Variants in POLR1B observed in about 807,000 individuals in gnomAD.
POLR1B encodes RNA polymerase I subunit B.
POLR1B carries 30 observed loss-of-function variants against 105.8 expected under a neutral mutation model. The ratio of observed to expected loss-of-function variants is 0.28; its 90% CI spans 0.21 to 0.38. The LOEUF (loss-of-function observed/expected upper bound fraction) is 0.38, where lower values mean the gene tolerates loss of function less well. Ranked by LOEUF, POLR1B falls within the 10% of genes least tolerant of loss-of-function variation. The probability of loss-of-function intolerance (pLI) is 1.00; values close to 1 mark genes in which losing one functional copy is unlikely to be tolerated. For synonymous variants in POLR1B, 485 were observed against 505.1 expected, an observed-to-expected ratio of 0.96 and a Z score of 0.53; for missense variants, 976 against 1,435.8, an observed-to-expected ratio of 0.68 and a Z score of 5.17.
chr2:112,544,346 C>G (rs1477819283), intron 1 of POLR1B, among the ~76,000 whole-genome samples: 1 of 152,034 alleles, frequency 6.6e-6, no homozygotes, highest in Admixed American at 6.6e-5. Context: ...GCACGAGAAT[C>G]GCTTGAACCT....
At chr2:112,549,441 TAA>T (rs754181265) in intron 4 of POLR1B, 42 bp downstream of exon 4, 1 of 1,477,784 alleles carries the variant, frequency 6.8e-7, no homozygotes, top group Admixed American at 2.5e-5. Context: ...AAGGAAAATT[TAA>T]AACTTTTTTT....
Position 112,574,921 on chromosome 2 carries a change from T to C in POLR1B, c.2600T>C (p.Val867Ala), listed in dbSNP as rs143337808. The change falls in exon 15 of 15, where the codon GTT (valine) becomes GCT (alanine). Residue 867 changes from valine to alanine, a missense_variant. Around this residue, in one of 12 missense-constraint regions of POLR1B, gnomAD observed 119 missense variants for 149.7 expected, o/e 0.79. Transcript: ENST00000263331. ...ACTGGGAGTGGAAAATTCAAGTGTG[T>C]TTGCATCACTATGAGAGTGCCTCGG... ...NDTGSGKFKC[V>A]CITMRVPRNP... 362 of 1,614,130 alleles carry C rather than the reference T, an allele frequency of 2.2e-4. No homozygotes were observed. In the African/African-American group the frequency reaches 4.3e-3, roughly 19 times the overall value.
intron 12 of POLR1B, among the ~76,000 whole-genome samples, chr2:112,570,764 CTTGT>C (rs1434778239): frequency 1.4e-5 from 2 of 144,494 alleles, no homozygotes; most frequent in Non-Finnish European, 3.0e-5. Flanking sequence ...AGCACTTCTA[CTTGT>C]TTCTTTTTTT....
At chr2:112,563,617 G>C (rs1427861853) in intron 9 of POLR1B, among the ~76,000 whole-genome samples, 1 of 152,080 alleles carries the variant, frequency 6.6e-6, no homozygotes, top group Non-Finnish European at 1.5e-5. Context: ...AACCATTTCT[G>C]CTGGGCACAG....
At position 112,542,478 on chromosome 2, in the gene POLR1B, G is replaced by A. The variant is rs752348585; in HGVS notation, c.-17G>A. On this transcript the variant is annotated 5_prime_UTR_variant, in exon 1 of 15. Coordinates refer to ENST00000263331, the MANE Select transcript of POLR1B (RefSeq NM_019014.6). ...GGCGTGTACCGAGAGACTGGCGTCC[G>A]GTGTGCAGGTGGCCACATGGATCCT... 3.1e-6 allele frequency: 5 copies of A among 1,612,230 alleles called. No individual in the cohort carries two copies. The highest frequency in any genetic ancestry group is 4.2e-6 in the Non-Finnish European group (5 of 1,179,596).
At chr2:112,546,544 CTTTTTTTTTTTTTTTTTTTTTTTT>C (rs869087985) in intron 1 of POLR1B, among the ~76,000 whole-genome samples, 1 of 53,158 alleles carries the variant, frequency 1.9e-5, no homozygotes, top group Admixed American at 3.5e-4. Flanking sequence ...CTGGAGGTAG[CTTTTTTTTTTTTTTTTTTTTTTTT>C]TTTTTTTTTT....
In POLR1B at chr2:112,579,408, A is replaced by T. The variant is rs1685001186; in HGVS notation, c.*3679A>T. On this transcript the variant is annotated 3_prime_UTR_variant, in exon 15 of 15. Coordinates refer to ENST00000263331, the MANE Select transcript of POLR1B (RefSeq NM_019014.6). Reference sequence around the variant, plus strand: ...TTTCAGAGTGGCTGTGCCATTTTACATTCCTACCAGCAATGTATAAGTGAT... The same window carrying T: ...TTTCAGAGTGGCTGTGCCATTTTACTTTCCTACCAGCAATGTATAAGTGAT... The T allele has an allele frequency of 6.6e-6, 1 of 152,080 alleles. No homozygotes were observed. Among genetic ancestry groups the T allele is most frequent in the Non-Finnish European group, 1.5e-5 (1 of 68,020 alleles). 9.4% of individuals were successfully genotyped at this position (152,080 alleles called of 1,614,324 possible).
At chr2:112,563,763 A>G (rs1684132839) in intron 9 of POLR1B, among the ~76,000 whole-genome samples, 1 of 152,072 alleles carries the variant, frequency 6.6e-6, no homozygotes, top group Non-Finnish European at 1.5e-5. Context: ...TTAGCCAAGC[A>G]TGATGGCACG....
At chr2:112,549,478 T>C in intron 4 of POLR1B, 79 bp downstream of exon 4, 1 of 1,072,904 alleles carries the variant, frequency 9.3e-7, no homozygotes, top group East Asian at 3.0e-5. Flanking sequence ...TGCATCCAAA[T>C]GGTCTTTGAT....
At chr2:112,574,000 C>T (rs1684733999) in intron 14 of POLR1B, among the ~76,000 whole-genome samples, 185 bp downstream of exon 14, 1 of 152,088 alleles carries the variant, frequency 6.6e-6, no homozygotes, top group Non-Finnish European at 1.5e-5. Context: ...CATGGACCAC[C>T]ATGCCCAGCT....
chr2:112,570,367 T>G (rs1425962682), intron 12 of POLR1B, among the ~76,000 whole-genome samples: 1 of 152,228 alleles, frequency 6.6e-6, no homozygotes, highest in East Asian at 1.9e-4. Context: ...TTATTTTTAT[T>G]GACCTATTAT....
upstream of POLR1B, chr2:112,542,424 T>TTCCGGCGTGTACCGAGAGACTGGCG (rs138896228): frequency 1.7e-4 from 277 of 1,612,736 alleles, 4 homozygotes; most frequent in South Asian, 1.6e-3. Context: ...CGGCCACTAC[T>TTCCGGCGTGTACCGAGAGACTGGCG]TCCGGCGTGT....
At position 112,574,590 on chromosome 2, in the gene POLR1B, C is replaced by A. The variant is rs114832507; in HGVS notation, c.2526-257C>A. Among the ~76,000 whole-genome samples, 245 of 152,062 alleles carry A rather than the reference C, an allele frequency of 1.6e-3. 1 individual carries two copies. Among genetic ancestry groups the A allele is most frequent in the African/African-American group, 5.6e-3 (233 of 41,490 alleles). ...TTTAAAGACTAGCCAGGCCTAGTGG[C>A]ATATACCTGTAGTCCCAGCTACTCA... On this transcript the variant is annotated intron_variant, in intron 14 of 14. Coordinates refer to ENST00000263331, the MANE Select transcript of POLR1B (RefSeq NM_019014.6).
At chr2:112,571,188 T>C (rs959626042) in intron 12 of POLR1B, among the ~76,000 whole-genome samples, 1 of 152,232 alleles carries the variant, frequency 6.6e-6, no homozygotes, top group Non-Finnish European at 1.5e-5. Context: ...ATGATGGGTG[T>C]TGTAAAATCA....
intron 7 of POLR1B, 140 bp downstream of exon 7, chr2:112,552,956 A>G: frequency 1.3e-6 from 1 of 766,228 alleles, no homozygotes; most frequent in Non-Finnish European, 1.9e-6. Flanking sequence ...TTGTTCATTT[A>G]GCAGTAAGGG....
intron 9 of POLR1B, 25 bp from the exon 10 acceptor site, chr2:112,564,341 T>C (rs1213021642): frequency 1.6e-5 from 25 of 1,612,626 alleles, no homozygotes; most frequent in Non-Finnish European, 2.1e-5. Flanking sequence ...TCTGATGTGA[T>C]TGTGCTGTTT....
chr2:112,559,660 T>G, intron 9 of POLR1B, 86 bp downstream of exon 9: 1 of 1,483,284 alleles, frequency 6.7e-7, no homozygotes, highest in Non-Finnish European at 9.2e-7. Context: ...AGATGGAGTG[T>G]TGCTATGTCG....
At chr2:112,567,481 G>A (rs1252544059) in intron 10 of POLR1B, among the ~76,000 whole-genome samples, 1 of 152,074 alleles carries the variant, frequency 6.6e-6, no homozygotes, top group Non-Finnish European at 1.5e-5. Flanking sequence ...CTGGGCTCAA[G>A]TGATCCTCCC....
intron 7 of POLR1B, among the ~76,000 whole-genome samples, chr2:112,556,707 A>C (rs2104534462): frequency 6.6e-6 from 1 of 152,344 alleles, no homozygotes; most frequent in South Asian, 2.1e-4. Context: ...GTTTTCTTCC[A>C]AATATCAAAT....
Sources: gnomAD v4.1 joint callset for allele counts (sites outside exome capture counted in the v4.1 genomes callset) on GRCh38, gnomAD v4.1.1 for gene constraint, gnomAD v4.1.1 regional missense constraint, MANE v1.5 for transcripts, NCBI Gene and HGNC (gene_info 2026-07-23, HGNC 2026-07-21) for gene names.